Variants in HNF4A observed in about 807,000 individuals in gnomAD.
The protein encoded by HNF4A is hepatocyte nuclear factor 4 alpha, also known as hepatocyte nuclear factor 4-alpha.
In HNF4A, 15 loss-of-function variants were observed where a neutral mutation model predicts 52.4. The ratio of observed to expected loss-of-function variants is 0.29; its 90% CI spans 0.19 to 0.44. The LOEUF (loss-of-function observed/expected upper bound fraction) is 0.44, where lower values mean the gene tolerates loss of function less well. Among genes scored for constraint, HNF4A ranks in the 20% least tolerant of loss-of-function variants. The probability of loss-of-function intolerance (pLI) is 1.00; values close to 1 mark genes in which losing one functional copy is unlikely to be tolerated. For synonymous variants in HNF4A, 280 were observed against 264.4 expected (o/e 1.06, Z -0.57); for missense variants, 479 against 647.2 (o/e 0.74, Z 2.82).
intron 1 of HNF4A, among the ~76,000 whole-genome samples, chr20:44,359,399 T>C (rs1421583590): frequency 2.1e-5 from 3 of 145,208 alleles, no homozygotes; most frequent in African/African-American, 8.6e-5. Context: ...CCCTTGTTTC[T>C]TTTATCCAAA....
At chr20:44,410,800 C>T (rs2063570727) in intron 3 of HNF4A, among the ~76,000 whole-genome samples, 1 of 151,874 alleles carries the variant, frequency 6.6e-6, no homozygotes, top group Admixed American at 6.5e-5. Flanking sequence ...ACTCAGGCTC[C>T]CCAGAGCTGA....
intron 2 of HNF4A, 136 bp downstream of exon 2, chr20:44,406,368 A>G (rs1162953550): frequency 8.0e-6 from 6 of 745,904 alleles, no homozygotes; most frequent in Non-Finnish European, 1.4e-5. Context: ...TGGTTTTGTA[A>G]AAGACTTTGT....
chr20:44,422,613 A>G (rs1413994684), intron 7 of HNF4A, among the ~76,000 whole-genome samples: 1 of 150,742 alleles, frequency 6.6e-6, no homozygotes, highest in Admixed American at 6.6e-5. Flanking sequence ...TTTTTTTTTC[A>G]TTCATTCATC....
At chr20:44,427,255 G>A (rs1395243719) in intron 8 of HNF4A, among the ~76,000 whole-genome samples, 1 of 152,208 alleles carries the variant, frequency 6.6e-6, no homozygotes, top group Non-Finnish European at 1.5e-5. Context: ...CTGTGAACAT[G>A]GGGTTATTAT....
intron 1 of HNF4A, among the ~76,000 whole-genome samples, chr20:44,374,785 G>C (rs934737202): frequency 2.6e-5 from 4 of 152,174 alleles, no homozygotes; most frequent in Non-Finnish European, 5.9e-5. Context: ...ATTGTGAATA[G>C]TGCTGTGTAG....
Position 44,424,182 on chromosome 20 carries a change from G to A in HNF4A, c.1057G>A (p.Glu353Lys). The stretch of plus-strand genomic sequence containing the variant: ...GCAGAGCATCACCTGGCAGATGATC[G>A]AGCAGATCCAGTTCATCAAGCTCTT... Residue 353 changes from glutamate (E) to lysine (K), a missense_variant, in exon 8 of 10, where the codon GAG becomes AAG. This residue lies in a region of HNF4A where 389 missense variants were observed against 525.1 expected (regional missense o/e 0.74). Transcript: ENST00000316099. The A allele has an allele frequency of 1.2e-6, 2 of 1,613,962 alleles. No individual in the cohort carries two copies.
intron 8 of HNF4A, among the ~76,000 whole-genome samples, chr20:44,425,495 G>A (rs537968098): frequency 6.6e-6 from 1 of 152,304 alleles, no homozygotes; most frequent in African/African-American, 2.4e-5. Context: ...GAAAGAGGAA[G>A]AGTCAAGGAC....
chr20:44,374,144 C>G (rs185520958), intron 1 of HNF4A, among the ~76,000 whole-genome samples: 1 of 152,304 alleles, frequency 6.6e-6, no homozygotes, highest in East Asian at 1.9e-4. Context: ...TGCCCTTCCT[C>G]TAGAAGTCCG....
intron 8 of HNF4A, among the ~76,000 whole-genome samples, chr20:44,424,948 A>T (rs6073435): frequency 0.53 from 80,372 of 152,032 alleles, 22,067 homozygotes; most frequent in Middle Eastern, 0.72. Flanking sequence ...TTTTATTCTC[A>T]TTGCAACTAT....
chr20:44,421,058 A>G (rs2063737582), intron 7 of HNF4A, among the ~76,000 whole-genome samples: 1 of 152,092 alleles, frequency 6.6e-6, no homozygotes. Flanking sequence ...GCTTTTCTCC[A>G]TCACCATTCC....
intron 1 of HNF4A, among the ~76,000 whole-genome samples, chr20:44,364,725 C>T (rs2062953923): frequency 1.3e-5 from 2 of 152,202 alleles, no homozygotes; most frequent in Admixed American, 1.3e-4. Flanking sequence ...GCCCCGACCT[C>T]CCAAAGTGCT....
chr20:44,428,739 G>A (rs1045930945), intron 9 of HNF4A, among the ~76,000 whole-genome samples: 3 of 152,220 alleles, frequency 2.0e-5, no homozygotes, highest in African/African-American at 7.2e-5. Context: ...GGGTGAAGAT[G>A]TTCTTGGGTG....
chr20:44,419,359 AG>A (rs1012334901), intron 6 of HNF4A, among the ~76,000 whole-genome samples: 4 of 152,244 alleles, frequency 2.6e-5, no homozygotes, highest in African/African-American at 7.2e-5. Context: ...ACCAGCTATC[AG>A]GGGCAGAGCC....
In HNF4A at chr20:44,407,373, C is replaced by A; in HGVS notation, c.291-8C>A. 1.2e-6 allele frequency: 2 copies of A among 1,605,498 alleles called. No homozygotes were observed. Among genetic ancestry groups the A allele is most frequent in the Non-Finnish European group, 1.7e-6 (2 of 1,174,642 alleles). ...CTTCTCCATCCAACCATCCAAAGCC[C>A]TCCCCAGATTTAGCCGGCAGTGCGT... On this transcript the variant is annotated splice_region_variant and splice_polypyrimidine_tract_variant and intron_variant, in intron 2 of 9. Transcript: ENST00000316099.
chr20:44,413,304 A>G (rs531196403), intron 3 of HNF4A, among the ~76,000 whole-genome samples: 2 of 152,234 alleles, frequency 1.3e-5, no homozygotes, highest in African/African-American at 4.8e-5. Flanking sequence ...CACCCAGAGT[A>G]ATTTGTTTTG....
At chr20:44,424,484 T>C (rs1267642901) in intron 8 of HNF4A, 2 of 993,782 alleles carry the variant, frequency 2.0e-6, no homozygotes, top group Non-Finnish European at 3.1e-6. Context: ...TTCTAAGTGC[T>C]GGCAATTCAG....
chr20:44,404,651 T>C (rs1431622227), intron 1 of HNF4A, among the ~76,000 whole-genome samples: 1 of 151,428 alleles, frequency 6.6e-6, no homozygotes, highest in Non-Finnish European at 1.5e-5. Flanking sequence ...GTGCAATGTA[T>C]GTGGACTGTG....
intron 5 of HNF4A, 25 bp from the exon 6 acceptor site, chr20:44,418,400 A>G (rs772107666): frequency 6.2e-7 from 1 of 1,605,542 alleles, no homozygotes; most frequent in Admixed American, 1.7e-5. Flanking sequence ...TACAGATGGC[A>G]AACACTGTTC....
chr20:44,384,687 A>G (rs2063197859), intron 1 of HNF4A: 2 of 152,236 alleles, frequency 1.3e-5, no homozygotes, highest in Admixed American at 6.5e-5. Flanking sequence ...AACAAGTAAC[A>G]TGGTCACATC....
Sources: allele counts gnomAD v4.1 joint callset (sites outside exome capture counted in the v4.1 genomes callset), GRCh38; gene constraint gnomAD v4.1.1; regional missense constraint gnomAD v4.1.1; transcripts MANE v1.5; gene names NCBI Gene and HGNC (gene_info 2026-07-23, HGNC 2026-07-21).